PAIP1: variants seen among roughly 807,000 people sequenced by gnomAD.
PAIP1 encodes poly(A) binding protein interacting protein 1.
Under a neutral mutation model 61.3 loss-of-function variants are expected in PAIP1, and 16 were observed. The observed-to-expected ratio is 0.26, with a 90% CI of 0.18 to 0.40. The LOEUF (loss-of-function observed/expected upper bound fraction) is 0.40. Ranked by LOEUF, PAIP1 falls within the 10% of genes least tolerant of loss-of-function variation. The probability of loss-of-function intolerance (pLI) is 1.00; values close to 1 mark genes in which losing one functional copy is unlikely to be tolerated. For missense variants in PAIP1, 416 were observed against 600.9 expected (o/e 0.69, Z 3.22); for synonymous variants, 187 against 226.2 (o/e 0.83, Z 1.56).
chr5:43,555,739 C>G, intron 2 of PAIP1, 91 bp downstream of exon 2: 1 of 1,148,694 alleles, frequency 8.7e-7, no homozygotes, highest in Non-Finnish European at 1.2e-6. Flanking sequence ...ACGTGTAGTA[C>G]AGAAAGCACA....
At chr5:43,551,553 T>C (rs910943096) in intron 2 of PAIP1, among the ~76,000 whole-genome samples, 1 of 152,188 alleles carries the variant, frequency 6.6e-6, no homozygotes, top group African/African-American at 2.4e-5. Flanking sequence ...GTGAATTTTA[T>C]AACTAAAAAC....
chr5:43,557,119 G>T, upstream of PAIP1: 1 of 477,140 alleles, frequency 2.1e-6, no homozygotes, highest in Non-Finnish European at 3.2e-6. Context: ...CGGCGCGGCA[G>T]GGGCGCAGGC....
At chr5:43,551,919 C>T (rs1317451008) in intron 2 of PAIP1, among the ~76,000 whole-genome samples, 2 of 152,094 alleles carry the variant, frequency 1.3e-5, no homozygotes, top group Non-Finnish European at 2.9e-5. Flanking sequence ...GGCACTCCAA[C>T]GTGTTTGAAT....
chr5:43,552,054 T>C (rs1255353743), intron 2 of PAIP1, among the ~76,000 whole-genome samples: 4 of 152,144 alleles, frequency 2.6e-5, no homozygotes, highest in East Asian at 3.9e-4. Context: ...TAGAATTCTA[T>C]GGGAGATTGG....
At chr5:43,535,459 A>C in intron 7 of PAIP1, 75 bp downstream of exon 7, 3 of 821,402 alleles carry the variant, frequency 3.7e-6, no homozygotes, top group Middle Eastern at 3.4e-4. Flanking sequence ...GAAGTATAGC[A>C]AATTAAAAAA....
chr5:43,553,438 A>G (rs1362753092), intron 2 of PAIP1, among the ~76,000 whole-genome samples: 2 of 152,232 alleles, frequency 1.3e-5, no homozygotes, highest in African/African-American at 4.8e-5. Context: ...GGAGACTACT[A>G]GAATAGAGAC....
In PAIP1 at chr5:43,527,366, A is replaced by T. The variant is rs1187855806; in HGVS notation, c.*10T>A. On this transcript the variant is annotated 3_prime_UTR_variant, in exon 11 of 11. Transcript: ENST00000306846. ...ACTGCTTTATAAAACTGATATGCTG[A>T]AATTTAACTTTACTGTTTTCGCTTA... 1.3e-6 allele frequency: 2 copies of T among 1,581,034 alleles called. No homozygotes were observed. The highest frequency in any genetic ancestry group is 1.7e-6 in the Non-Finnish European group (2 of 1,166,092).
In PAIP1 at chr5:43,556,743, G is replaced by A. The variant is rs1158989982; in HGVS notation, c.104C>T (p.Ala35Val). The A allele has an allele frequency of 7.1e-6, 10 of 1,407,338 alleles. No homozygotes were observed. The highest frequency in any genetic ancestry group is 1.5e-5 in the South Asian group (1 of 66,094). The allele number at this position is 1,407,338 out of a possible 1,614,324, so 87.2% of individuals were successfully genotyped here. A position where few individuals can be genotyped will look rare whatever the true frequency, so the allele number is the denominator to read the frequency against. Residue 35 changes from alanine to valine, a missense_variant, in exon 1 of 11, where the codon GCG (alanine) becomes GTG (valine). Ala to Val is a moderately conservative substitution (Grantham distance 64). Around this residue, in one of 4 missense-constraint regions of PAIP1, gnomAD observed 97 missense variants for 89.5 expected, o/e 1.08. Transcript: ENST00000306846. ...GTGCCGCGCCCGCTCAGCAGGCCCC[G>A]CTCCGTTCGGGAAACCGCCGCCCTC... is the stretch of plus-strand genomic sequence containing the variant. Reference protein sequence around the residue: ...GPEGGGFPNGAGPAERARHQP... With the variant: ...GPEGGGFPNGVGPAERARHQP...
chr5:43,539,635 A>G (rs1402417143), intron 4 of PAIP1, among the ~76,000 whole-genome samples: 1 of 152,166 alleles, frequency 6.6e-6, no homozygotes, highest in Non-Finnish European at 1.5e-5. Flanking sequence ...TCTATTTCCA[A>G]TGAGACTGAC....
In PAIP1 at chr5:43,552,710, A is replaced by T. The variant is rs2111598498; in HGVS notation, c.435+3120T>A. Among the ~76,000 whole-genome samples, 3 of 152,324 alleles carry T rather than the reference A, an allele frequency of 2.0e-5. No homozygotes were observed. The Middle Eastern group carries it at 0.01, about 518-fold the overall frequency. ...GAAGGAGATTATACTCAGAGAGAAA[A>T]AAGAACAAAACTAGTACCTCAAATA... is the stretch of plus-strand genomic sequence containing the variant. On this transcript the variant is annotated intron_variant, in intron 2 of 10. Coordinates refer to ENST00000306846, the MANE Select transcript of PAIP1 (RefSeq NM_006451.5).
Position 43,538,939 on chromosome 5 carries a change from A to C in PAIP1, c.831T>G (p.Leu277=), listed in dbSNP as rs559523178. The part of the protein sequence containing the change: ...FHAFVLFLGE[L]YLNLEIKGTN... ...AACTTCTCACCTCCAGGTTAAGATA[A>C]AGTTCTCCCAGAAAGAGTACAAATG... The change falls in exon 5 of 11, where the codon CTT becomes CTG. Residue 277 remains leucine (L), a synonymous_variant. Transcript: ENST00000306846. 1.2e-6 allele frequency: 2 copies of C among 1,600,882 alleles called. No homozygotes were observed. Among genetic ancestry groups the C allele is most frequent in the African/African-American group, 2.7e-5 (2 of 74,832 alleles).
chr5:43,528,970 T>C (rs1746820054), intron 10 of PAIP1, among the ~76,000 whole-genome samples: 1 of 152,128 alleles, frequency 6.6e-6, no homozygotes, highest in African/African-American at 2.4e-5. Flanking sequence ...GAAACAGATA[T>C]ATAAACAGTC....
rs575767645 is a variant in PAIP1 at position 43,532,159 on chromosome 5, A to G, written c.1252+1579T>C. ...GAACAACCAAACTGAATTTCTGTAAATCGAACAGTACTAGAAACAATTAAA... is the reference window on the plus strand; with the variant it reads ...GAACAACCAAACTGAATTTCTGTAAGTCGAACAGTACTAGAAACAATTAAA... On this transcript the variant is annotated intron_variant, in intron 9 of 10. Transcript: ENST00000306846. Among the ~76,000 whole-genome samples the G allele has an allele frequency of 1.4e-4, 21 of 152,316 alleles. 1 individual carries two copies. The South Asian group carries it at 2.3e-3, about 17-fold the overall frequency.
rs557677520 is a variant in PAIP1, at chr5:43,532,977, T to C, written c.1252+761A>G. 4.5e-4 allele frequency among the ~76,000 whole-genome samples: 68 copies of C among 152,328 alleles called. 2 individuals are homozygous for C. The highest frequency in any genetic ancestry group is 1.5e-3 in the African/African-American group (64 of 41,568). ...CAAAGATGAGGAGCAGGAACCCTCA[T>C]GTGCTGCTGATGGGAAGATTAAGTG... On this transcript the variant is annotated intron_variant, in intron 9 of 10. Coordinates refer to ENST00000306846, the MANE Select transcript of PAIP1 (RefSeq NM_006451.5).
In PAIP1 at chr5:43,547,922, C is replaced by A. The variant is rs1407819420; in HGVS notation, c.436-9G>T. 10 of 1,580,528 alleles carry A rather than the reference C, an allele frequency of 6.3e-6. No homozygotes were observed. Among genetic ancestry groups the A allele is most frequent in the Middle Eastern group, 1.7e-4 (1 of 5,790 alleles). On this transcript the variant is annotated splice_polypyrimidine_tract_variant and intron_variant, in intron 2 of 10. Transcript: ENST00000306846. The stretch of plus-strand genomic sequence containing the variant: ...CCATCCTCATAGGATTCCTACGGAT[C>A]AAAAATGAAAAAACAATTTTAATCT...
chr5:43,537,084 A>C, intron 5 of PAIP1, 140 bp from the exon 6 acceptor site: 2 of 512,108 alleles, frequency 3.9e-6, no homozygotes, highest in Admixed American at 7.9e-5. Flanking sequence ...ATATCTTCAC[A>C]GAATTTGTTA....
Position 43,556,885 on chromosome 5 carries a change from C to T in PAIP1, c.-39G>A, listed in dbSNP as rs1400953283. 2 of 1,362,276 alleles carry T rather than the reference C, an allele frequency of 1.5e-6. No individual in the cohort carries two copies. Among genetic ancestry groups the T allele is most frequent in the South Asian group, 1.8e-5 (1 of 56,526 alleles). The allele number at this position is 1,362,276 out of a possible 1,614,324, so 84.4% of individuals were successfully genotyped here. A position where few individuals can be genotyped will look rare whatever the true frequency, so the allele number is the denominator to read the frequency against. ...CGCCTCCTCCTCCAGGGGCCGCTGC[C>T]GCTGCGCTCGCGATAGGACGCGGGG... On this transcript the variant is annotated 5_prime_UTR_variant, in exon 1 of 11. Transcript: ENST00000306846.
At chr5:43,544,854 A>G (rs1004400983) in intron 3 of PAIP1, among the ~76,000 whole-genome samples, 1 of 152,196 alleles carries the variant, frequency 6.6e-6, no homozygotes, top group African/African-American at 2.4e-5. Flanking sequence ...TATACTGGAT[A>G]TGCTAAATCT....
At position 43,531,587 on chromosome 5, in the gene PAIP1, G is replaced by T. The variant is rs141017100; in HGVS notation, c.1253-1708C>A. Among the ~76,000 whole-genome samples the T allele has an allele frequency of 9.6e-3, 1,392 of 145,750 alleles. 19 individuals carry two copies. Among genetic ancestry groups the T allele is most frequent in the African/African-American group, 0.033 (1,340 of 40,224 alleles). On this transcript the variant is annotated intron_variant, in intron 9 of 10. Transcript: ENST00000306846. ...CAGGAGAATTGCTTGAACTCAGGAG[G>T]TGGAGGTTGCAGTAAGCCGAGGTTG... is the stretch of plus-strand genomic sequence containing the variant.
Sources: gnomAD v4.1 joint callset for allele counts (sites outside exome capture counted in the v4.1 genomes callset) on GRCh38, gnomAD v4.1.1 for gene constraint, gnomAD v4.1.1 regional missense constraint, MANE v1.5 for transcripts, NCBI Gene and HGNC (gene_info 2026-07-23, HGNC 2026-07-21) for gene names.